Variants in TENM2 observed in about 807,000 individuals in gnomAD.
TENM2 encodes the protein teneurin-2.
Under a neutral mutation model 245.2 loss-of-function variants are expected in TENM2, and 52 were observed. The ratio of observed to expected loss-of-function variants is 0.21; its 90% CI spans 0.17 to 0.27. The LOEUF (loss-of-function observed/expected upper bound fraction) is 0.27, where lower values mean the gene tolerates loss of function less well. TENM2 is among the 10% of genes least tolerant of loss of function. The pLI is 1.00. For synonymous variants in TENM2, 1,363 were observed against 1,438.9 expected (o/e 0.95, Z 1.19); for missense variants, 3,046 against 3,666.8 (o/e 0.83, Z 4.37).
At chr5:167,756,854 G>A (rs931753172) in intron 2 of TENM2, among the ~76,000 whole-genome samples, 15 of 151,836 alleles carry the variant, frequency 9.9e-5, no homozygotes, top group African/African-American at 3.6e-4. Flanking sequence ...TCCAACCAAG[G>A]CCGTATTGCC....
intron 2 of TENM2, among the ~76,000 whole-genome samples, chr5:167,634,050 G>A (rs189485822): frequency 2.0e-5 from 3 of 152,236 alleles, no homozygotes; most frequent in African/African-American, 7.2e-5. Context: ...TGGAAAACTT[G>A]GGCTTGGGAA....
chr5:167,501,800 A>C (rs142614237), intron 2 of TENM2, among the ~76,000 whole-genome samples: 1 of 152,150 alleles, frequency 6.6e-6, no homozygotes, highest in African/African-American at 2.4e-5. Context: ...TTTTGGTGGC[A>C]GTCTTAGAAA....
intron 2 of TENM2, among the ~76,000 whole-genome samples, chr5:167,825,427 T>G (rs971260123): frequency 2.0e-5 from 3 of 152,158 alleles, no homozygotes; most frequent in African/African-American, 7.2e-5. Flanking sequence ...TGAACATCTT[T>G]TGAGAAAGCA....
chr5:167,060,535 C>T, the TENM2 span, among the ~76,000 whole-genome samples: 1 of 151,104 alleles, frequency 6.6e-6, no homozygotes, highest in East Asian at 2.0e-4. Context: ...CCTGTAATCT[C>T]AGCTACTTGG....
intron 2 of TENM2, among the ~76,000 whole-genome samples, chr5:167,390,600 G>A (rs971393793): frequency 2.0e-5 from 3 of 152,100 alleles, no homozygotes; most frequent in African/African-American, 7.2e-5. Flanking sequence ...AAAAGACTCT[G>A]AAAATAAGCA....
At chr5:168,034,121 G>GTA (rs200576790) in intron 5 of TENM2, among the ~76,000 whole-genome samples, 145 of 93,614 alleles carry the variant, frequency 1.5e-3, no homozygotes, top group South Asian at 4.8e-3. Context: ...ATATATATGT[G>GTA]TATATATATA....
Position 167,933,094 on chromosome 5 carries a change from C to T in TENM2, c.713-19494C>T, listed in dbSNP as rs139600442. Among the ~76,000 whole-genome samples, 1,481 of 152,290 alleles carry T rather than the reference C, an allele frequency of 9.7e-3. 9 individuals carry two copies. Among genetic ancestry groups the T allele is most frequent in the Middle Eastern group, 0.02 (6 of 294 alleles). On this transcript the variant is annotated intron_variant, in intron 3 of 28. Coordinates refer to ENST00000518659, the Ensembl canonical transcript of TENM2. ...ACCAGCGAAGTGACAATTCAGAGCA[C>T]GGTCAGTGTTCTTGACAGGCCCTTG...
intron 12 of TENM2, among the ~76,000 whole-genome samples, chr5:168,135,222 G>A (rs911512325): frequency 2.0e-5 from 3 of 152,164 alleles, no homozygotes; most frequent in African/African-American, 7.2e-5. Flanking sequence ...CATGACCCAT[G>A]TGTAACATCT....
At chr5:167,646,177 C>CATATAT (rs57273762) in intron 2 of TENM2, among the ~76,000 whole-genome samples, 9 of 84,166 alleles carry the variant, frequency 1.1e-4, no homozygotes, top group African/African-American at 1.4e-4. Flanking sequence ...ATGTTGTTTT[C>CATATAT]ATATATATAT....
chr5:168,032,132 G>A (rs150555087), intron 5 of TENM2, among the ~76,000 whole-genome samples: 11 of 152,226 alleles, frequency 7.2e-5, no homozygotes, highest in Admixed American at 2.0e-4. Flanking sequence ...GACTAATCTT[G>A]GACAACATAC....
Position 168,247,862 on chromosome 5 carries a change from G to T in TENM2, c.6923G>T (p.Arg2308Leu). The change falls in exon 27 of 29, where the codon CGG becomes CTG. Residue 2308 changes from arginine to leucine, a missense_variant. Transcript: ENST00000518659. This position sits in a 1 kb window ranked among gnomAD's most constrained non-coding sequence, Gnocchi z 7.8. The stretch of plus-strand genomic sequence containing the variant: ...TACCGCTATGATGGCGTAGGACGGC[G>T]GGCTTCCTACAAGACCAACCTGGGC... 1 of 1,613,930 alleles carries T rather than the reference G, an allele frequency of 6.2e-7. No homozygotes were observed. The highest frequency in any genetic ancestry group is 8.5e-7 in the Non-Finnish European group (1 of 1,179,884).
rs79192054 is a variant in TENM2, at chr5:168,208,926, A to G, written c.3825-2808A>G. Reference sequence around the variant, plus strand: ...AAAGTTTAGAAAAGCCAATTCTATCACAAACATCACAAAATCCACACAAAT... The same window carrying G: ...AAAGTTTAGAAAAGCCAATTCTATCGCAAACATCACAAAATCCACACAAAT... On this transcript the variant is annotated intron_variant, in intron 19 of 28. Coordinates refer to ENST00000518659, the Ensembl canonical transcript of TENM2. Among the ~76,000 whole-genome samples, 1,077 of 152,348 alleles carry G rather than the reference A, an allele frequency of 7.1e-3. 10 individuals carry two copies. Among genetic ancestry groups the G allele is most frequent in the African/African-American group, 0.025 (1,026 of 41,586 alleles).
At chr5:167,135,987 G>A in the TENM2 span, among the ~76,000 whole-genome samples, 10 of 152,122 alleles carry the variant, frequency 6.6e-5, no homozygotes, top group African/African-American at 1.4e-4. Flanking sequence ...ACATAACAAA[G>A]TAGCTTACAA....
intron 3 of TENM2, among the ~76,000 whole-genome samples, chr5:167,933,924 GTTA>G (rs974098477): frequency 6.6e-5 from 10 of 152,180 alleles, no homozygotes; most frequent in African/African-American, 2.4e-4. Flanking sequence ...ATTAGCAATT[GTTA>G]TTATTATCAT....
At chr5:167,980,422 A>T (rs1425059540) in intron 4 of TENM2, among the ~76,000 whole-genome samples, 1 of 152,152 alleles carries the variant, frequency 6.6e-6, no homozygotes, top group East Asian at 1.9e-4. Context: ...CAATGAGAAG[A>T]CAGAAAGAGA....
intron 2 of TENM2, among the ~76,000 whole-genome samples, chr5:167,642,777 A>G (rs1779696440): frequency 6.6e-6 from 1 of 152,202 alleles, no homozygotes; most frequent in Non-Finnish European, 1.5e-5. Context: ...GAAATTAAGG[A>G]CTAATCTTGA....
chr5:168,205,289 A>T (rs376460577), intron 19 of TENM2, among the ~76,000 whole-genome samples: 76 of 152,132 alleles, frequency 5.0e-4, no homozygotes, highest in African/African-American at 1.7e-3. Flanking sequence ...TGGTGAATGT[A>T]TACCATGTCC....
chr5:168,118,235 A>G (rs1795222224), intron 9 of TENM2, 57 bp from the exon 12 acceptor site: 5 of 1,400,112 alleles, frequency 3.6e-6, no homozygotes, highest in Admixed American at 2.0e-5. Context: ...TTAGACTGCC[A>G]TAGCCCCTCG....
At chr5:167,089,857 G>A in the TENM2 span, among the ~76,000 whole-genome samples, 1 of 152,110 alleles carries the variant, frequency 6.6e-6, no homozygotes, top group African/African-American at 2.4e-5. Flanking sequence ...GGACAAAGGG[G>A]CTGTAGGTTA....
Sources: gnomAD v4.1 joint callset for allele counts (sites outside exome capture counted in the v4.1 genomes callset) on GRCh38, gnomAD v4.1.1 for gene constraint, Gnocchi (gnomAD v3.1) non-coding constraint, MANE v1.5 for transcripts, NCBI Gene and HGNC (gene_info 2026-07-23, HGNC 2026-07-21) for gene names.